POLR3E: variants seen among roughly 807,000 people sequenced by gnomAD.
The protein encoded by POLR3E is RNA polymerase III subunit E.
A neutral mutation model predicts 96.6 loss-of-function variants in POLR3E; 41 were observed. The ratio of observed to expected loss-of-function variants is 0.42; its 90% CI spans 0.33 to 0.55. The LOEUF (loss-of-function observed/expected upper bound fraction) is 0.55, where lower values mean the gene tolerates loss of function less well. Among genes scored for constraint, POLR3E ranks in the 20% least tolerant of loss-of-function variants. The pLI is 0.06. For missense variants in POLR3E, 849 were observed against 952.1 expected (o/e 0.89, Z 1.43); for synonymous variants, 396 against 383.6 (o/e 1.03, Z -0.38).
chr16:22,332,273 T>C, intron 20 of POLR3E, 88 bp downstream of exon 20: 1 of 1,261,352 alleles, frequency 7.9e-7, no homozygotes. Flanking sequence ...TCTTTGTGTA[T>C]ATGAAATCAG....
In POLR3E at chr16:22,318,285, G is replaced by A. The variant is rs950057913; in HGVS notation, c.866-541G>A. On this transcript the variant is annotated intron_variant, in intron 12 of 20. Transcript: ENST00000299853. The surrounding 1 kb of genome is among the most constrained non-coding windows in gnomAD (Gnocchi z 5.0). ...ATTTTTGTATTTTTAGTAGAGATGG[G>A]GTTTCGCCTTGTTGGCCAGGCTAGT... is the stretch of plus-strand genomic sequence containing the variant. Among the ~76,000 whole-genome samples, 1 of 152,248 alleles carries A rather than the reference G, an allele frequency of 6.6e-6. No individual in the cohort carries two copies. Among genetic ancestry groups the A allele is most frequent in the South Asian group, 2.1e-4 (1 of 4,824 alleles).
At chr16:22,308,267 G>A (rs1243691926) in intron 4 of POLR3E, 42 bp downstream of exon 4, 1 of 1,482,392 alleles carries the variant, frequency 6.7e-7, no homozygotes. Flanking sequence ...GAAAGAGAGG[G>A]TGATGAGGGT....
intron 11 of POLR3E, 28 bp downstream of exon 11, chr16:22,317,067 C>T (rs1442343486): frequency 4.3e-6 from 7 of 1,613,740 alleles, no homozygotes; most frequent in Non-Finnish European, 5.1e-6. Context: ...GACACCCTCT[C>T]CCTTTCCGGG....
At position 22,301,266 on chromosome 16, in the gene POLR3E, G is replaced by A. The variant is rs548855295; in HGVS notation, c.-38-1665G>A. ...AGGTCAAGGGGCAGGAGATTGTTTAGGGTTTACATGGGATGATAAAGACTT... is the reference window on the plus strand; with the variant it reads ...AGGTCAAGGGGCAGGAGATTGTTTAAGGTTTACATGGGATGATAAAGACTT... On this transcript the variant is annotated intron_variant, in intron 1 of 20. Coordinates refer to ENST00000299853, the MANE Select transcript of POLR3E (RefSeq NM_018119.4). Among the ~76,000 whole-genome samples the A allele has an allele frequency of 6.6e-5, 10 of 152,252 alleles. No homozygotes were observed. In the South Asian group the frequency reaches 2.1e-3, roughly 32 times the overall value.
intron 2 of POLR3E, among the ~76,000 whole-genome samples, chr16:22,303,641 T>TTTTTG (rs1265285928): frequency 6.7e-5 from 9 of 134,800 alleles, no homozygotes; most frequent in African/African-American, 2.5e-4. Context: ...AGATTTCCCT[T>TTTTTG]TTTTTTTTTT....
chr16:22,331,506 CTT>C (rs775390668), intron 19 of POLR3E: 2 of 152,028 alleles, frequency 1.3e-5, no homozygotes, highest in Non-Finnish European at 2.9e-5. Flanking sequence ...TGAGTTGTTA[CTT>C]TTTTTTGTTT....
At chr16:22,308,801 CAT>C in intron 4 of POLR3E, 122 bp from the exon 5 acceptor site, 1 of 630,150 alleles carries the variant, frequency 1.6e-6, no homozygotes, top group Non-Finnish European at 2.8e-6. Context: ...CCCTTGGGGA[CAT>C]GTGTCAGTCT....
chr16:22,312,429 G>A (rs1275237882), intron 6 of POLR3E, among the ~76,000 whole-genome samples: 1 of 152,016 alleles, frequency 6.6e-6, no homozygotes, highest in Non-Finnish European at 1.5e-5. Flanking sequence ...CTCAGGAGGC[G>A]GAGGTTGCAG....
intron 18 of POLR3E, 194 bp from the exon 19 acceptor site, chr16:22,328,316 G>C (rs557455225): frequency 3.4e-6 from 2 of 593,640 alleles, no homozygotes; most frequent in East Asian, 5.7e-5. Context: ...GGGGTGTGCT[G>C]GCCTCCTCCC....
In POLR3E at chr16:22,309,037, C is replaced by T; in HGVS notation, c.278C>T (p.Ser93Phe). ...TGCGCCGACGAGACCAGCACGTATTCCTCGTGAGTTTCCGGCCCCAAGCCT... is the reference window on the plus strand; with the variant it reads ...TGCGCCGACGAGACCAGCACGTATTTCTCGTGAGTTTCCGGCCCCAAGCCT... ...GACADETSTY[S>F]SKLMDKQTFC... Residue 93 changes from serine to phenylalanine, a missense_variant, in exon 5 of 21, where the codon TCC becomes TTC. Coordinates refer to ENST00000299853, the MANE Select transcript of POLR3E (RefSeq NM_018119.4). The T allele has an allele frequency of 1.2e-6, 2 of 1,607,660 alleles. No individual in the cohort carries two copies. The highest frequency in any genetic ancestry group is 1.7e-6 in the Non-Finnish European group (2 of 1,174,534).
intron 1 of POLR3E, among the ~76,000 whole-genome samples, chr16:22,299,872 A>G (rs1019878128): frequency 6.8e-6 from 1 of 147,490 alleles, no homozygotes; most frequent in South Asian, 2.2e-4. Context: ...CCAGGCTAAA[A>G]TTTTTTTTTA....
rs755589505 is a variant in POLR3E at position 22,325,871 on chromosome 16, C to T, written c.1459C>T (p.Arg487Trp). ...RELQRRKEQL[R>W]VPAVPPGVRI... ...GCTGCAGCGGCGGAAGGAGCAGCTG[C>T]GGGTGCCTGCGGTCCCGCCCGGTGT... The change falls in exon 18 of 21, where the codon CGG becomes TGG. Residue 487 changes from arginine to tryptophan, a missense_variant. Arg to Trp is a moderately radical substitution (Grantham distance 101, BLOSUM62 -3). Coordinates refer to ENST00000299853, the MANE Select transcript of POLR3E (RefSeq NM_018119.4). 5 of 1,610,948 alleles carry T rather than the reference C, an allele frequency of 3.1e-6. No individual in the cohort carries two copies. The highest frequency in any genetic ancestry group is 3.4e-6 in the Non-Finnish European group (4 of 1,178,872).
intron 1 of POLR3E, 95 bp downstream of exon 1, chr16:22,297,632 C>A (rs535129558): frequency 2.0e-5 from 3 of 152,566 alleles, no homozygotes; most frequent in Non-Finnish European, 4.4e-5. Context: ...GCCAAGGAGG[C>A]CCGCGCCGCG....
rs770443485 is a variant in POLR3E at position 22,326,020 on chromosome 16, C to T, written c.1608C>T (p.Leu536=). 2.5e-6 allele frequency: 4 copies of T among 1,599,514 alleles called. No individual in the cohort carries two copies. Among genetic ancestry groups the T allele is most frequent in the Non-Finnish European group, 2.6e-6 (3 of 1,171,814 alleles). ...GCAAGCTGGCCAACGGGCTGCCTCTCGGGCGGGCTGCGGGCACAGACAGCT... is the reference window on the plus strand; with the variant it reads ...GCAAGCTGGCCAACGGGCTGCCTCTTGGGCGGGCTGCGGGCACAGACAGCT... ...LHSKLANGLP[L]GRAAGTDSFN... is the part of the protein sequence containing the mutation. The change falls in exon 18 of 21, where the codon CTC becomes CTT. Residue 536 remains leucine, a synonymous_variant. Coordinates refer to ENST00000299853, the MANE Select transcript of POLR3E (RefSeq NM_018119.4).
Position 22,322,213 on chromosome 16 carries a change from G to A in POLR3E, c.987-637G>A, listed in dbSNP as rs976779605. On this transcript the variant is annotated intron_variant, in intron 13 of 20. Transcript: ENST00000299853. The surrounding 1 kb of genome is among the most constrained non-coding windows in gnomAD (Gnocchi z 5.2). ...AGGAGGGCTTGGCAGCAGAGGGAGGGACAGTCAGAGCACAGGTGCCGCAGC... is the reference window on the plus strand; with the variant it reads ...AGGAGGGCTTGGCAGCAGAGGGAGGAACAGTCAGAGCACAGGTGCCGCAGC... Among the ~76,000 whole-genome samples the A allele has an allele frequency of 1.3e-5, 2 of 152,176 alleles. No individual in the cohort carries two copies. Among genetic ancestry groups the A allele is most frequent in the Admixed American group, 6.5e-5 (1 of 15,286 alleles).
Position 22,326,261 on chromosome 16 carries a change from A to G in POLR3E, c.1849A>G (p.Lys617Glu). The change falls in exon 18 of 21, where the codon AAG (lysine) becomes GAG (glutamate). Residue 617 changes from lysine to glutamate, a missense_variant. Coordinates refer to ENST00000299853, the MANE Select transcript of POLR3E (RefSeq NM_018119.4). ...LQDTVLAAGC[K>E]QILVPFPPQT... ...GGACACGGTGCTGGCCGCCGGTTGCAAGCAGATACTGGTGCCTGTAAGTAG... is the reference window on the plus strand; with the variant it reads ...GGACACGGTGCTGGCCGCCGGTTGCGAGCAGATACTGGTGCCTGTAAGTAG... 6.9e-7 allele frequency: 1 copy of G among 1,456,836 alleles called. No homozygotes were observed. The highest frequency in any genetic ancestry group is 9.2e-7 in the Non-Finnish European group (1 of 1,081,382). The allele number at this position is 1,456,836 out of a possible 1,614,324, so 90.2% of individuals were successfully genotyped here.
rs1369302635 is a variant in POLR3E, at chr16:22,313,238, C to G, written c.365-382C>G. 1.3e-5 allele frequency among the ~76,000 whole-genome samples: 2 copies of G among 152,104 alleles called. No individual in the cohort carries two copies. The highest frequency in any genetic ancestry group is 2.9e-5 in the Non-Finnish European group (2 of 68,016). On this transcript the variant is annotated intron_variant, in intron 6 of 20. Coordinates refer to ENST00000299853, the MANE Select transcript of POLR3E (RefSeq NM_018119.4). This position sits in a 1 kb window ranked among gnomAD's most constrained non-coding sequence, Gnocchi z 4.1. ...GGAAATCCAGGTGTGTGGGGCGGGA[C>G]AGTAAGGCTGAGCTGGCCGAGGCCT...
rs1010732816 is a variant in POLR3E at position 22,331,902 on chromosome 16, T to C, written c.1945-158T>C. 4 of 663,152 alleles carry C rather than the reference T, an allele frequency of 6.0e-6. No individual in the cohort carries two copies. In the African/African-American group the frequency reaches 7.2e-5, roughly 12 times the overall value. 41.1% of individuals were successfully genotyped at this position (663,152 alleles called of 1,614,324 possible). ...TCTGTACACTGTCTTGCTGGGTCTC[T>C]AGAGATGACTTGGCTCATCTTTAAC... is the stretch of plus-strand genomic sequence containing the variant. On this transcript the variant is annotated intron_variant, in intron 19 of 20. Coordinates refer to ENST00000299853, the MANE Select transcript of POLR3E (RefSeq NM_018119.4).
chr16:22,325,417 A>G lies in POLR3E; in HGVS notation c.1348+151A>G, dbSNP rs573350710. 7.3e-5 allele frequency: 52 copies of G among 715,354 alleles called. No individual in the cohort carries two copies. In the Middle Eastern group the frequency reaches 1.1e-3, roughly 15 times the overall value. The allele number at this position is 715,354 out of a possible 1,614,324, so 44.3% of individuals were successfully genotyped here. A position where few individuals can be genotyped will look rare whatever the true frequency, so the allele number is the denominator to read the frequency against. ...CCCTCCTTCCTTTCCTGCCACCCAC[A>G]GACCGCAGCTGGTCGCTTGCCCAGC... On this transcript the variant is annotated intron_variant, in intron 17 of 20. Coordinates refer to ENST00000299853, the MANE Select transcript of POLR3E (RefSeq NM_018119.4).
Sources: allele counts gnomAD v4.1 joint callset (sites outside exome capture counted in the v4.1 genomes callset), GRCh38; gene constraint gnomAD v4.1.1; non-coding constraint Gnocchi (gnomAD v3.1); transcripts MANE v1.5; gene names NCBI Gene and HGNC (gene_info 2026-07-23, HGNC 2026-07-21).